AGBL3: variants seen among roughly 807,000 people sequenced by gnomAD.
AGBL3 encodes the protein AGBL carboxypeptidase 3, also known as cytosolic carboxypeptidase 3.
In AGBL3, 68 loss-of-function variants were observed where a neutral mutation model predicts 94.5. The observed-to-expected ratio is 0.72, with a 90% confidence interval of 0.59 to 0.88. The LOEUF (loss-of-function observed/expected upper bound fraction) is 0.88, where lower values mean the gene tolerates loss of function less well. AGBL3 is among the 40% of genes least tolerant of loss of function. AGBL3 has a pLI of 0.00. For missense variants in AGBL3, 934 were observed against 1,103.8 expected, an observed-to-expected ratio of 0.85 and a Z score of 2.18; for synonymous variants, 354 against 370.7, an observed-to-expected ratio of 0.95 and a Z score of 0.52.
chr7:135,038,145 A>T (rs759497359), intron 8 of AGBL3, among the ~76,000 whole-genome samples: 2 of 152,200 alleles, frequency 1.3e-5, no homozygotes, highest in Non-Finnish European at 2.9e-5. Flanking sequence ...TCTTTAGGGA[A>T]AAGATGTTAA....
intron 3 of AGBL3, among the ~76,000 whole-genome samples, chr7:134,992,180 A>G (rs761617583): frequency 6.6e-6 from 1 of 152,216 alleles, no homozygotes; most frequent in Non-Finnish European, 1.5e-5. Context: ...CAGTTAAAGA[A>G]TGTTGGACTT....
Position 134,993,541 on chromosome 7 carries a change from T to C in AGBL3, c.173T>C (p.Leu58Ser), listed in dbSNP as rs1262874499. The change falls in exon 4 of 17, where the codon TTA becomes TCA. Residue 58 changes from leucine to serine, a missense_variant. Coordinates refer to ENST00000436302, the MANE Select transcript of AGBL3 (RefSeq NM_178563.4). ...TTCCCCCGGACTACACAGATACTAT[T>C]AGAATATCAGCTAGGGAGATGGGTG... ...PFFPRTTQIL[L>S]EYQLGRWVPR... 7 of 1,551,578 alleles carry C rather than the reference T, an allele frequency of 4.5e-6. No homozygotes were observed. In the Admixed American group the frequency reaches 9.8e-5, roughly 22 times the overall value.
At position 134,993,539 on chromosome 7, in the gene AGBL3, A is replaced by G. The variant is rs1204912390; in HGVS notation, c.171A>G (p.Leu57=). ...DPFFPRTTQI[L]LEYQLGRWVP... ...TCTTCCCCCGGACTACACAGATACTATTAGAATATCAGCTAGGGAGATGGG... is the reference window on the plus strand; with the variant it reads ...TCTTCCCCCGGACTACACAGATACTGTTAGAATATCAGCTAGGGAGATGGG... Residue 57 remains leucine, a synonymous_variant, in exon 4 of 17, where the codon CTA becomes CTG. Transcript: ENST00000436302. 18 of 1,551,646 alleles carry G rather than the reference A, an allele frequency of 1.2e-5. No individual in the cohort carries two copies. Among genetic ancestry groups the G allele is most frequent in the Non-Finnish European group, 1.4e-5 (16 of 1,146,940 alleles).
At chr7:135,121,594 C>T (rs1024364372) in intron 16 of AGBL3, among the ~76,000 whole-genome samples, 1 of 150,640 alleles carries the variant, frequency 6.6e-6, no homozygotes, top group Non-Finnish European at 1.5e-5. Flanking sequence ...CTAAATAACA[C>T]ACTTCTGAAT....
chr7:135,081,863 T>C (rs1820949080), intron 15 of AGBL3, 73 bp downstream of exon 15: 1 of 984,344 alleles, frequency 1.0e-6, no homozygotes, highest in South Asian at 2.3e-5. Flanking sequence ...TCTCTAGCTC[T>C]AGAAATACAC....
chr7:135,076,387 C>A lies in AGBL3; in HGVS notation c.1909-10C>A, dbSNP rs1392360206. ...TTAAATATTGATTTTAAGTATGATT[C>A]TTTTACTAGAAAAAACATTTGAAAA... On this transcript the variant is annotated splice_polypyrimidine_tract_variant and intron_variant, in intron 12 of 16. Transcript: ENST00000436302. 2 of 1,518,526 alleles carry A rather than the reference C, an allele frequency of 1.3e-6. No homozygotes were observed. The highest frequency in any genetic ancestry group is 1.8e-6 in the Non-Finnish European group (2 of 1,118,422). 94.1% of individuals were successfully genotyped at this position (1,518,526 alleles called of 1,614,324 possible).
In AGBL3 at chr7:135,045,462, TTGA is replaced by T; in HGVS notation, c.1628-9_1628-7del. Reference sequence around the variant, plus strand: ...TTACCCTCAAGGGTGGATAAACTTATTGATGTTTTAGGTAACAAACGAGGCACT... The same window carrying T: ...TTACCCTCAAGGGTGGATAAACTTATTGTTTTAGGTAACAAACGAGGCACT... On this transcript the variant is annotated splice_polypyrimidine_tract_variant and intron_variant, in intron 9 of 16. Transcript: ENST00000436302. The T allele has an allele frequency of 1.3e-6, 2 of 1,547,280 alleles. No individual in the cohort carries two copies. The highest frequency in any genetic ancestry group is 8.7e-7 in the Non-Finnish European group (1 of 1,143,056).
chr7:135,096,318 G>A (rs533224709), intron 15 of AGBL3, among the ~76,000 whole-genome samples: 1 of 150,224 alleles, frequency 6.7e-6, no homozygotes, highest in Non-Finnish European at 1.5e-5. Flanking sequence ...TGGCCCAAAT[G>A]TCACCAAAAA....
chr7:135,134,708 G>A (rs942980469), intron 16 of AGBL3, 133 bp from the exon 17 acceptor site: 5 of 842,220 alleles, frequency 5.9e-6, no homozygotes, highest in Non-Finnish European at 8.8e-6. Flanking sequence ...CTAAATGATG[G>A]TAAAATTCTT....
At chr7:135,061,719 G>C (rs2116705325) in intron 12 of AGBL3, among the ~76,000 whole-genome samples, 1 of 152,062 alleles carries the variant, frequency 6.6e-6, no homozygotes, top group South Asian at 2.1e-4. Context: ...TTATTTTGGG[G>C]CTATTTCATT....
intron 15 of AGBL3, among the ~76,000 whole-genome samples, chr7:135,098,675 G>A (rs909370898): frequency 1.3e-5 from 2 of 152,164 alleles, no homozygotes; most frequent in African/African-American, 4.8e-5. Flanking sequence ...GCATTTAAGT[G>A]AGAATACACT....
chr7:135,111,005 C>T (rs948494953), intron 15 of AGBL3, among the ~76,000 whole-genome samples: 14 of 152,190 alleles, frequency 9.2e-5, no homozygotes, highest in Non-Finnish European at 2.1e-4. Context: ...GCTACCTCTT[C>T]CATTCTCCAA....
chr7:135,000,771 T>C (rs1811616229), intron 4 of AGBL3, among the ~76,000 whole-genome samples: 1 of 152,198 alleles, frequency 6.6e-6, no homozygotes, highest in African/African-American at 2.4e-5. Context: ...TACAGCTGCA[T>C]CCGAACAATT....
In AGBL3 at chr7:134,988,566, C is replaced by T. The variant is rs932062815; in HGVS notation, c.63+570C>T. On this transcript the variant is annotated intron_variant, in intron 2 of 16. Coordinates refer to ENST00000436302, the MANE Select transcript of AGBL3 (RefSeq NM_178563.4). ...ATGTAAACTAATGTCCCGAAATAAGCTCTTAAAGCTTACTTTAGCTATTTA... is the reference window on the plus strand; with the variant it reads ...ATGTAAACTAATGTCCCGAAATAAGTTCTTAAAGCTTACTTTAGCTATTTA... 4.6e-5 allele frequency among the ~76,000 whole-genome samples: 7 copies of T among 152,068 alleles called. No individual in the cohort carries two copies. In the East Asian group the frequency reaches 1.2e-3, roughly 25 times the overall value.
intron 4 of AGBL3, among the ~76,000 whole-genome samples, chr7:134,997,945 A>C (rs1811213252): frequency 6.6e-6 from 1 of 152,224 alleles, no homozygotes; most frequent in Non-Finnish European, 1.5e-5. Flanking sequence ...ACTTGTACAT[A>C]AATATTCAGC....
rs148652017 is a variant in AGBL3 at position 135,029,380 on chromosome 7, T to A, written c.419-3464T>A. On this transcript the variant is annotated intron_variant, in intron 5 of 16. Transcript: ENST00000436302. ...TGGACAACTTGCTGAAGTTTCTGCA[T>A]CATCACTTGCTGCTTAACCTTGTAC... is the stretch of plus-strand genomic sequence containing the variant. Among the ~76,000 whole-genome samples the A allele has an allele frequency of 4.8e-3, 732 of 152,354 alleles. 4 individuals are homozygous for A. The highest frequency in any genetic ancestry group is 0.017 in the African/African-American group (701 of 41,582).
chr7:135,038,890 C>T (rs1006698945), intron 8 of AGBL3, among the ~76,000 whole-genome samples: 2 of 151,238 alleles, frequency 1.3e-5, no homozygotes, highest in Non-Finnish European at 2.9e-5. Flanking sequence ...ACCCAGGAGG[C>T]GGAGCTTGCA....
At chr7:135,026,102 ATTC>A (rs1407249281) in intron 5 of AGBL3, among the ~76,000 whole-genome samples, 1 of 151,406 alleles carries the variant, frequency 6.6e-6, no homozygotes, top group Non-Finnish European at 1.5e-5. Context: ...CAGAATATGT[ATTC>A]TTCTCATTTG....
chr7:135,057,308 A>G (rs1417844003), intron 11 of AGBL3, among the ~76,000 whole-genome samples: 1 of 152,198 alleles, frequency 6.6e-6, no homozygotes, highest in African/African-American at 2.4e-5. Context: ...CCTAGGGGAT[A>G]ACATAGGAGG....
Sources: allele counts gnomAD v4.1 joint callset (sites outside exome capture counted in the v4.1 genomes callset), GRCh38; gene constraint gnomAD v4.1.1; transcripts MANE v1.5; gene names NCBI Gene and HGNC (gene_info 2026-07-23, HGNC 2026-07-21).